Variants in ZNF717 observed in about 807,000 individuals in gnomAD.
The protein encoded by ZNF717 is krueppel-like factor X17.
ZNF717 carries 9 observed loss-of-function variants against 13.8 expected under a neutral mutation model. That is an observed-to-expected ratio of 0.65 (90% CI 0.39 to 1.14). The LOEUF (loss-of-function observed/expected upper bound fraction) is 1.14. Among genes scored for constraint, ZNF717 ranks in the 50% most tolerant of loss-of-function variants. The probability of loss-of-function intolerance (pLI) is 0.01; values close to 1 mark genes in which losing one functional copy is unlikely to be tolerated. For synonymous variants in ZNF717, 327 were observed against 364.1 expected, an observed-to-expected ratio of 0.90 and a Z score of 1.16; for missense variants, 1,040 against 1,080.7, an observed-to-expected ratio of 0.96 and a Z score of 0.53.
Position 75,737,285 on chromosome 3 carries a change from G to A in ZNF717, c.2338C>T (p.His780Tyr). 1 of 1,552,856 alleles carries A rather than the reference G, an allele frequency of 6.4e-7. No individual in the cohort carries two copies. The highest frequency in any genetic ancestry group is 1.2e-5 in the South Asian group (1 of 84,124). ...CATTCATAGGGTTTCTCTCCTGAGTGAGTCCCCTGATGCGTACTGAGGTTT... is the reference window on the plus strand; with the variant it reads ...CATTCATAGGGTTTCTCTCCTGAGTAAGTCCCCTGATGCGTACTGAGGTTT... ...KSNLSTHQGT[H>Y]SGEKPYECDE... The change falls in exon 5 of 5, where the codon CAC becomes TAC. Residue 780 changes from histidine (H) to tyrosine (Y), a missense_variant. This residue lies in a region of ZNF717 where 873 missense variants were observed against 832.8 expected (regional missense o/e 1.05). Transcript: ENST00000652011.
chr3:75,745,552 C>CTACAA (rs71101851), intron 2 of ZNF717, among the ~76,000 whole-genome samples: 126,523 of 151,750 alleles, frequency 0.83, 52,732 homozygotes, highest in East Asian at 0.89. Context: ...TCACCTTGCT[C>CTACAA]TACATCTCCT....
At chr3:75,734,885 C>T (rs1328381869), downstream of ZNF717, among the ~76,000 whole-genome samples, 2 of 138,808 alleles carry the variant, frequency 1.4e-5, no homozygotes, top group South Asian at 2.3e-4. Context: ...TGCAGTGGTG[C>T]AATCTCAGCT....
chr3:75,748,724 C>A (rs1306798956), intron 2 of ZNF717, among the ~76,000 whole-genome samples: 4 of 152,150 alleles, frequency 2.6e-5, no homozygotes, highest in Non-Finnish European at 5.9e-5. Flanking sequence ...GACAAACGCA[C>A]AGCCAATATC....
chr3:75,765,021 A>ATGTGTGTGTGTGTGTGTGTG (rs1415256720), intron 2 of ZNF717, among the ~76,000 whole-genome samples: 1 of 36,886 alleles, frequency 2.7e-5, no homozygotes, highest in African/African-American at 9.0e-5. Context: ...ATATATATAT[A>ATGTGTGTGTGTGTGTGTGTG]TATATATATG....
At chr3:75,765,542 T>C (rs1559663125) in intron 2 of ZNF717, among the ~76,000 whole-genome samples, 3 of 152,122 alleles carry the variant, frequency 2.0e-5, no homozygotes, top group Admixed American at 6.5e-5. Flanking sequence ...TCCCGAATAG[T>C]TGGGACTACA....
At chr3:75,781,823 C>A (rs1944845394) in intron 2 of ZNF717, among the ~76,000 whole-genome samples, 1 of 152,188 alleles carries the variant, frequency 6.6e-6, no homozygotes, top group Non-Finnish European at 1.5e-5. Context: ...GCAGCTAACG[C>A]CCAGAGCCCC....
At chr3:75,750,111 G>C (rs1433181991) in intron 2 of ZNF717, among the ~76,000 whole-genome samples, 1 of 151,308 alleles carries the variant, frequency 6.6e-6, no homozygotes, top group Non-Finnish European at 1.5e-5. Flanking sequence ...GCTAGGGTCT[G>C]AATGTTCCTC....
chr3:75,762,707 C>G (rs1429475082), intron 2 of ZNF717, among the ~76,000 whole-genome samples: 1 of 152,052 alleles, frequency 6.6e-6, no homozygotes. Context: ...AAAAACCCAT[C>G]CTAAAACTCA....
chr3:75,713,703 T>G (rs1196332309), intron 5 of ZNF717, among the ~76,000 whole-genome samples: 1 of 152,134 alleles, frequency 6.6e-6, no homozygotes, highest in Non-Finnish European at 1.5e-5. Flanking sequence ...CTGTGGGTTT[T>G]TCTCCCCATG....
At chr3:75,704,760 G>A (rs1937768182), downstream of ZNF717, among the ~76,000 whole-genome samples, 1 of 152,306 alleles carries the variant, frequency 6.6e-6, no homozygotes, top group Admixed American at 6.5e-5. Context: ...GGCTGCCCCA[G>A]GAAAGAGGCC....
rs1173369782 is a variant in ZNF717, at chr3:75,738,331, GC to G, written c.1291del (p.Ala431HisfsTer148). 2 of 1,537,800 alleles carry G rather than the reference GC, an allele frequency of 1.3e-6. No individual in the cohort carries two copies. The highest frequency in any genetic ancestry group is 1.8e-6 in the Non-Finnish European group (2 of 1,137,078). Reference protein sequence around the residue: ...KPYACDHCEEAFSHKSRLTVH... With the variant: ...KPYACDHCEEXFSHKSRLTVH... Reference sequence around the variant, plus strand: ...AGTAAGCCTTGACTTATGGCTAAATGCTTCTTCACAATGGTCACATGCATAG... The same window carrying G: ...AGTAAGCCTTGACTTATGGCTAAATGTTCTTCACAATGGTCACATGCATAG... On this transcript the variant is annotated frameshift_variant, in exon 5 of 5. Coordinates refer to ENST00000652011, the MANE Select transcript of ZNF717 (RefSeq NM_001290208.3). LOFTEE classifies it low-confidence loss of function (END_TRUNC).
intron 2 of ZNF717, among the ~76,000 whole-genome samples, chr3:75,766,952 A>T (rs938454723): frequency 3.3e-5 from 5 of 152,268 alleles, no homozygotes; most frequent in Admixed American, 1.3e-4. Flanking sequence ...TATAAAAATC[A>T]CATTTCTGGT....
At chr3:75,695,918 T>G (rs1263601019) in intron 6 of ZNF717, among the ~76,000 whole-genome samples, 1 of 152,006 alleles carries the variant, frequency 6.6e-6, no homozygotes, top group Non-Finnish European at 1.5e-5. Flanking sequence ...CTTAATTAAT[T>G]AGAAGAAAAA....
exon 6 of ZNF717, chr3:75,710,120 G>C (rs1350178514): frequency 4.7e-5 from 7 of 149,316 alleles, no homozygotes; most frequent in African/African-American, 1.7e-4. Context: ...TATTCTGTTA[G>C]GAGTTGTACT....
chr3:75,741,440 G>T (rs1472968930), intron 3 of ZNF717, 72 bp from the exon 4 acceptor site: 8 of 1,384,928 alleles, frequency 5.8e-6, no homozygotes, highest in South Asian at 1.2e-5. Context: ...ACGACAGCTG[G>T]GCTTCAGGGA....
At position 75,736,941 on chromosome 3, in the gene ZNF717, T is replaced by C. The variant is rs1444327365; in HGVS notation, c.2682A>G (p.Gly894=). ...CTGCCTCAGCTACGTCAGATTTCTCTCCTATATGGGTTTGTTGATGCCTGC... is the reference window on the plus strand; with the variant it reads ...CTGCCTCAGCTACGTCAGATTTCTCCCCTATATGGGTTTGTTGATGCCTGC... ...HLSRHQQTHI[G]EKSDVAEAGY... Residue 894 remains glycine, a synonymous_variant, in exon 5 of 5, where the codon GGA becomes GGG. Coordinates refer to ENST00000652011, the MANE Select transcript of ZNF717 (RefSeq NM_001290208.3). The C allele has an allele frequency of 3.2e-6, 5 of 1,565,328 alleles. No individual in the cohort carries two copies. The African/African-American group carries it at 5.4e-5, about 17-fold the overall frequency.
intron 2 of ZNF717, among the ~76,000 whole-genome samples, chr3:75,751,532 A>G (rs1010894257): frequency 2.2e-4 from 34 of 151,784 alleles, no homozygotes; most frequent in African/African-American, 7.0e-4. Context: ...ATTCCAGAAC[A>G]CTGCTGCTGG....
chr3:75,758,169 C>T (rs1942663176), intron 2 of ZNF717, among the ~76,000 whole-genome samples: 2 of 149,650 alleles, frequency 1.3e-5, no homozygotes, highest in Non-Finnish European at 3.0e-5. Context: ...ATTATTCCAA[C>T]CCTCACAGAT....
At chr3:75,770,085 C>T (rs1384475792) in intron 2 of ZNF717, among the ~76,000 whole-genome samples, 2 of 152,138 alleles carry the variant, frequency 1.3e-5, no homozygotes. Context: ...CCATGGATTC[C>T]TAAGGATGTC....
Sources: allele counts gnomAD v4.1 joint callset (sites outside exome capture counted in the v4.1 genomes callset), GRCh38; gene constraint gnomAD v4.1.1; regional missense constraint gnomAD v4.1.1; transcripts MANE v1.5; gene names NCBI Gene and HGNC (gene_info 2026-07-23, HGNC 2026-07-21).